Variants in KIAA0513 observed in about 807,000 individuals in gnomAD.
The protein encoded by KIAA0513 is uncharacterized protein KIAA0513.
A neutral mutation model predicts 56.5 loss-of-function variants in KIAA0513; 39 were observed. The observed-to-expected ratio is 0.69, with a 90% CI of 0.53 to 0.90. The LOEUF is 0.90. Ranked by LOEUF, KIAA0513 falls within the 40% of genes least tolerant of loss-of-function variation. The pLI is 0.00. For synonymous variants in KIAA0513, 268 were observed against 215.6 expected, an observed-to-expected ratio of 1.24 and a Z score of -2.13; for missense variants, 591 against 535.2, an observed-to-expected ratio of 1.10 and a Z score of -1.03.
chr16:85,043,319 C>A (rs761555113), intron 1 of KIAA0513, among the ~76,000 whole-genome samples: 7 of 152,088 alleles, frequency 4.6e-5, no homozygotes, highest in Admixed American at 4.6e-4. Flanking sequence ...AACCTCCAGC[C>A]TCCGTCTATG....
At chr16:85,036,051 G>A (rs1401977311) in intron 1 of KIAA0513, among the ~76,000 whole-genome samples, 1 of 151,324 alleles carries the variant, frequency 6.6e-6, no homozygotes, top group Non-Finnish European at 1.5e-5. Context: ...CTGGGCTCAA[G>A]CAATCCTACC....
At chr16:85,030,381 G>A (rs1048263530) in intron 1 of KIAA0513, among the ~76,000 whole-genome samples, 1 of 152,138 alleles carries the variant, frequency 6.6e-6, no homozygotes, top group African/African-American at 2.4e-5. Context: ...AGCTGACCCA[G>A]TAACTTTGTT....
chr16:85,049,153 C>G (rs1311531133), intron 1 of KIAA0513, among the ~76,000 whole-genome samples: 1 of 152,254 alleles, frequency 6.6e-6, no homozygotes, highest in African/African-American at 2.4e-5. Context: ...GCGCCTTGGG[C>G]CCCAGCCAGA....
intron 10 of KIAA0513, among the ~76,000 whole-genome samples, chr16:85,085,653 G>C (rs187225187): frequency 6.6e-6 from 1 of 152,334 alleles, no homozygotes; most frequent in East Asian, 1.9e-4. Context: ...CTGGAGGGAG[G>C]GGAAGGAGCC....
intron 1 of KIAA0513, among the ~76,000 whole-genome samples, chr16:85,043,256 G>A (rs1021057388): frequency 6.6e-6 from 1 of 152,048 alleles, no homozygotes; most frequent in African/African-American, 2.4e-5. Flanking sequence ...CACGAACCTG[G>A]AAAACAAGTT....
intron 2 of KIAA0513, 140 bp downstream of exon 2, chr16:85,067,540 C>G: frequency 1.5e-6 from 1 of 659,498 alleles, no homozygotes; most frequent in East Asian, 2.7e-5. Flanking sequence ...GGGGTGGCGA[C>G]TGCAGGGGCC....
chr16:85,069,281 G>T (rs1332630163), intron 2 of KIAA0513, among the ~76,000 whole-genome samples: 1 of 151,276 alleles, frequency 6.6e-6, no homozygotes, highest in Non-Finnish European at 1.5e-5. Context: ...TGCAGTCATA[G>T]CTCACCACAG....
At chr16:85,073,762 A>G (rs1250496156) in intron 4 of KIAA0513, among the ~76,000 whole-genome samples, 2 of 152,100 alleles carry the variant, frequency 1.3e-5, no homozygotes, top group Admixed American at 1.3e-4. Flanking sequence ...GTACCCCACT[A>G]TCCTCGTCTC....
At chr16:85,036,806 A>G (rs912553478) in intron 1 of KIAA0513, among the ~76,000 whole-genome samples, 5 of 152,128 alleles carry the variant, frequency 3.3e-5, no homozygotes, top group Admixed American at 1.3e-4. Flanking sequence ...TTTCACACAC[A>G]GTTTGGTGGT....
intron 1 of KIAA0513, among the ~76,000 whole-genome samples, chr16:85,047,661 C>T (rs770044868): frequency 1.3e-5 from 2 of 152,138 alleles, no homozygotes; most frequent in Non-Finnish European, 2.9e-5. Context: ...GACCAGGGCA[C>T]CAGAGAGACA....
chr16:85,032,687 G>C (rs1037459081), intron 1 of KIAA0513, among the ~76,000 whole-genome samples: 1 of 151,488 alleles, frequency 6.6e-6, no homozygotes, highest in African/African-American at 2.4e-5. Context: ...CTGGAGTGCG[G>C]TGGCACAATC....
At position 85,091,937 on chromosome 16, in the gene KIAA0513, CA is replaced by C. The variant is rs1567552236; in HGVS notation, c.*3613del. 1 of 122,202 alleles carries C rather than the reference CA, an allele frequency of 8.2e-6. No individual in the cohort carries two copies. Among genetic ancestry groups the C allele is most frequent in the Non-Finnish European group, 1.6e-5 (1 of 62,380 alleles). The allele number at this position is 122,202 out of a possible 1,614,324, so 7.6% of individuals were successfully genotyped here. On this transcript the variant is annotated 3_prime_UTR_variant, in exon 13 of 13. Coordinates refer to ENST00000683363, the MANE Select transcript of KIAA0513 (RefSeq NM_001388359.1). ...CTTCCTGGGTCCCACTATCTGTTGG[CA>C]TTTTTTTTTTTTTTTTTTTTTTAGA...
chr16:85,053,512 A>G (rs965516309), intron 1 of KIAA0513, among the ~76,000 whole-genome samples: 16 of 152,242 alleles, frequency 1.1e-4, no homozygotes, highest in African/African-American at 3.6e-4. Flanking sequence ...AGTTTGCCCC[A>G]TTAGGGATGG....
At chr16:85,071,474 C>G (rs1409568370) in intron 2 of KIAA0513, among the ~76,000 whole-genome samples, 1 of 152,196 alleles carries the variant, frequency 6.6e-6, no homozygotes, top group Non-Finnish European at 1.5e-5. Context: ...CTCAGACCTC[C>G]CCAGGCAGGG....
intron 1 of KIAA0513, among the ~76,000 whole-genome samples, chr16:85,055,770 T>C (rs987543245): frequency 6.6e-6 from 1 of 152,210 alleles, no homozygotes; most frequent in African/African-American, 2.4e-5. Flanking sequence ...CAGCCTGTTA[T>C]CTTGGTTTTT....
intron 1 of KIAA0513, among the ~76,000 whole-genome samples, chr16:85,031,984 T>G (rs2072971150): frequency 6.6e-6 from 1 of 152,214 alleles, no homozygotes; most frequent in Non-Finnish European, 1.5e-5. Flanking sequence ...TCACCTTTAT[T>G]TCTCTCGGGA....
At chr16:85,029,888 C>G (rs1018738372) in intron 1 of KIAA0513, among the ~76,000 whole-genome samples, 5 of 152,304 alleles carry the variant, frequency 3.3e-5, no homozygotes, top group South Asian at 2.1e-4. Context: ...TTATCGTTCC[C>G]ATGTCATAGA....
Position 85,066,484 on chromosome 16 carries a change from G to A in KIAA0513, c.-172-416G>A, listed in dbSNP as rs2073483203. On this transcript the variant is annotated intron_variant, in intron 1 of 12. Coordinates refer to ENST00000683363, the MANE Select transcript of KIAA0513 (RefSeq NM_001388359.1). ...GAAGGAGGAGGTCAGAGCTCAGGAG[G>A]TGAGGTGTGTCTTCCTCAGTAGGGA... 2.0e-5 allele frequency among the ~76,000 whole-genome samples: 3 copies of A among 152,176 alleles called. No individual in the cohort carries two copies. The South Asian group carries it at 6.2e-4, about 32-fold the overall frequency.
chr16:85,049,381 G>A (rs889582756), intron 1 of KIAA0513, among the ~76,000 whole-genome samples: 14 of 152,188 alleles, frequency 9.2e-5, no homozygotes, highest in African/African-American at 3.1e-4. Flanking sequence ...GGTTGGTTCC[G>A]TTCCACCCTC....
Sources: allele counts gnomAD v4.1 joint callset (sites outside exome capture counted in the v4.1 genomes callset), GRCh38; gene constraint gnomAD v4.1.1; transcripts MANE v1.5; gene names NCBI Gene and HGNC (gene_info 2026-07-23, HGNC 2026-07-21).